Variants in SORCS2 observed in about 807,000 individuals in gnomAD.
SORCS2 encodes the protein VPS10 domain-containing receptor SorCS2.
SORCS2 carries 100 observed loss-of-function variants against 141.6 expected under a neutral mutation model. The observed-to-expected ratio is 0.71, with a 90% confidence interval of 0.60 to 0.83. The LOEUF (loss-of-function observed/expected upper bound fraction) is 0.83. Ranked by LOEUF, SORCS2 falls within the 40% of genes least tolerant of loss-of-function variation. SORCS2 has a pLI of 0.00. For synonymous variants in SORCS2, 789 were observed against 676.9 expected, an observed-to-expected ratio of 1.17 and a Z score of -2.57; for missense variants, 1,646 against 1,560.2, an observed-to-expected ratio of 1.05 and a Z score of -0.93.
chr4:7,486,271 G>A (rs1730975312), intron 2 of SORCS2, among the ~76,000 whole-genome samples: 1 of 36,124 alleles, frequency 2.8e-5, no homozygotes, highest in Admixed American at 2.4e-4. Context: ...CCCAACCTGA[G>A]GGCTGGCCCA....
chr4:7,700,545 A>C (rs1027032045), intron 12 of SORCS2, among the ~76,000 whole-genome samples: 4 of 152,136 alleles, frequency 2.6e-5, no homozygotes. Context: ...GTCCCCTAAA[A>C]TCTGTGCCTG....
Position 7,299,715 on chromosome 4 carries a change from T to C in SORCS2, c.481-96573T>C, listed in dbSNP as rs376933381. ...AGATGGGGAAGCCGTGGTCCAGGCC[T>C]GTGTCTTCCTCCAACTTCCCATCCC... On this transcript the variant is annotated intron_variant, in intron 1 of 26. Coordinates refer to ENST00000507866, the MANE Select transcript of SORCS2 (RefSeq NM_020777.3). Among the ~76,000 whole-genome samples the C allele has an allele frequency of 1.7e-4, 26 of 152,318 alleles. 1 individual carries two copies. In the South Asian group the frequency reaches 5.0e-3, roughly 29 times the overall value.
intron 10 of SORCS2, among the ~76,000 whole-genome samples, chr4:7,686,835 G>T (rs906761537): frequency 1.3e-5 from 2 of 152,224 alleles, no homozygotes; most frequent in Admixed American, 1.3e-4. Flanking sequence ...GGAGCCGTCT[G>T]TTTGGCCGTC....
intron 9 of SORCS2, among the ~76,000 whole-genome samples, chr4:7,681,720 T>G (rs754492825): frequency 6.6e-6 from 1 of 152,232 alleles, no homozygotes; most frequent in Non-Finnish European, 1.5e-5. Context: ...AAGGACCTGC[T>G]GGAGTTGTGA....
intron 3 of SORCS2, among the ~76,000 whole-genome samples, chr4:7,540,316 G>C (rs1210312815): frequency 6.6e-6 from 1 of 151,976 alleles, no homozygotes; most frequent in East Asian, 1.9e-4. Context: ...AGCTGTGCAT[G>C]ATGGTGCTCA....
At chr4:7,351,820 A>G (rs1274773760) in intron 1 of SORCS2, among the ~76,000 whole-genome samples, 1 of 151,398 alleles carries the variant, frequency 6.6e-6, no homozygotes, top group Non-Finnish European at 1.5e-5. Flanking sequence ...CCATTCATCC[A>G]TCATCTACCC....
chr4:7,650,563 A>G (rs1276816693), intron 4 of SORCS2, among the ~76,000 whole-genome samples: 1 of 152,192 alleles, frequency 6.6e-6, no homozygotes, highest in Non-Finnish European at 1.5e-5. Context: ...CAAGAACCCT[A>G]GACTCACAGA....
At chr4:7,274,886 G>T (rs142500167) in intron 1 of SORCS2, among the ~76,000 whole-genome samples, 1 of 152,276 alleles carries the variant, frequency 6.6e-6, no homozygotes, top group African/African-American at 2.4e-5. Flanking sequence ...CCCCCATCAC[G>T]TGGTGCTTCC....
intron 3 of SORCS2, among the ~76,000 whole-genome samples, chr4:7,591,711 G>A (rs918931938): frequency 3.3e-5 from 5 of 152,090 alleles, no homozygotes; most frequent in African/African-American, 9.7e-5. Context: ...CTTCCCCATC[G>A]CCCCCGTAGA....
rs546264757 is a variant in SORCS2 at position 7,466,248 on chromosome 4, A to C, written c.549-65282A>C. 2.7e-3 allele frequency among the ~76,000 whole-genome samples: 417 copies of C among 152,274 alleles called. 1 individual carries two copies. The highest frequency in any genetic ancestry group is 9.3e-3 in the African/African-American group (386 of 41,556). ...CATCTGGTTCACGCCCCTGCAGTCA[A>C]TCAGGGGCCCAGGCTCCTGCCTCCT... On this transcript the variant is annotated intron_variant, in intron 2 of 26. Coordinates refer to ENST00000507866, the MANE Select transcript of SORCS2 (RefSeq NM_020777.3).
At position 7,737,058 on chromosome 4, in the gene SORCS2, C is replaced by T; in HGVS notation, c.3312-11C>T. On this transcript the variant is annotated splice_polypyrimidine_tract_variant and intron_variant, in intron 25 of 26. Coordinates refer to ENST00000507866, the MANE Select transcript of SORCS2 (RefSeq NM_020777.3). ...CCTCCAAGCTGAGCCGCCCTTGCCTCTGTCCAGCAGGAAACGGCCAGGCAG... is the reference window on the plus strand; with the variant it reads ...CCTCCAAGCTGAGCCGCCCTTGCCTTTGTCCAGCAGGAAACGGCCAGGCAG... 1 of 1,550,912 alleles carries T rather than the reference C, an allele frequency of 6.4e-7. No individual in the cohort carries two copies. Among genetic ancestry groups the T allele is most frequent in the Non-Finnish European group, 8.7e-7 (1 of 1,146,842 alleles).
intron 3 of SORCS2, among the ~76,000 whole-genome samples, chr4:7,626,111 C>G (rs530247240): frequency 6.6e-6 from 1 of 152,156 alleles, no homozygotes; most frequent in South Asian, 2.1e-4. Flanking sequence ...CACACCACTG[C>G]ACTCCAGCCT....
intron 1 of SORCS2, among the ~76,000 whole-genome samples, chr4:7,320,028 C>G (rs537481176): frequency 2.6e-5 from 4 of 152,276 alleles, no homozygotes; most frequent in African/African-American, 9.6e-5. Flanking sequence ...AAGGGCCAGG[C>G]ATGGTGGCCC....
At chr4:7,313,439 GC>G (rs764872444) in intron 1 of SORCS2, among the ~76,000 whole-genome samples, 2 of 152,192 alleles carry the variant, frequency 1.3e-5, no homozygotes, top group Non-Finnish European at 2.9e-5. Context: ...TCTGGGTTGC[GC>G]AAGAGAAGAA....
At chr4:7,300,102 G>C (rs1041334092) in intron 1 of SORCS2, among the ~76,000 whole-genome samples, 5 of 152,206 alleles carry the variant, frequency 3.3e-5, no homozygotes, top group African/African-American at 1.2e-4. Context: ...GGACCGGGAG[G>C]TGGAACAGGC....
chr4:7,497,948 T>C (rs1164270512), intron 2 of SORCS2, among the ~76,000 whole-genome samples: 2 of 152,200 alleles, frequency 1.3e-5, no homozygotes, highest in African/African-American at 4.8e-5. Context: ...GGTGAAGAAA[T>C]GCATTTCACT....
At chr4:7,385,761 C>G (rs1486481803) in intron 1 of SORCS2, among the ~76,000 whole-genome samples, 2 of 152,212 alleles carry the variant, frequency 1.3e-5, no homozygotes, top group African/African-American at 4.8e-5. Context: ...CTGATCCAAC[C>G]TTTGTTCAGT....
intron 12 of SORCS2, among the ~76,000 whole-genome samples, chr4:7,701,885 C>T (rs896223061): frequency 1.4e-4 from 22 of 152,194 alleles, no homozygotes; most frequent in African/African-American, 5.1e-4. Context: ...CCCCTGGAGC[C>T]TGGGGTACCC....
intron 1 of SORCS2, among the ~76,000 whole-genome samples, chr4:7,307,400 C>G (rs895679342): frequency 1.3e-5 from 2 of 152,248 alleles, no homozygotes; most frequent in Non-Finnish European, 1.5e-5. Context: ...TGTCCCTTTT[C>G]CTACCATTGC....
Sources: allele counts gnomAD v4.1 joint callset (sites outside exome capture counted in the v4.1 genomes callset), GRCh38; gene constraint gnomAD v4.1.1; transcripts MANE v1.5; gene names NCBI Gene and HGNC (gene_info 2026-07-23, HGNC 2026-07-21).